Variants in CHIA observed in about 807,000 individuals in gnomAD.
CHIA encodes the protein chitinase acidic, also known as acidic mammalian chitinase.
A neutral mutation model predicts 53.5 loss-of-function variants in CHIA; 47 were observed. The ratio of observed to expected loss-of-function variants is 0.88; its 90% confidence interval spans 0.70 to 1.12. The LOEUF is 1.12. Among genes scored for constraint, CHIA ranks in the 50% most tolerant of loss-of-function variants. The pLI, the probability that CHIA is intolerant of heterozygous loss-of-function variation, is 0.00. For missense variants in CHIA, 652 were observed against 592.2 expected (o/e 1.10, Z -1.05); for synonymous variants, 268 against 222.2 (o/e 1.21, Z -1.83).
intron 1 of CHIA, among the ~76,000 whole-genome samples, chr1:111,293,545 A>G (rs1661154513): frequency 6.6e-6 from 1 of 151,956 alleles, no homozygotes; most frequent in Non-Finnish European, 1.5e-5. Context: ...TTGCACTTTT[A>G]CTCTGTTTGC....
In CHIA at chr1:111,319,124, G is replaced by A; in HGVS notation, c.920G>A (p.Cys307Tyr). ...ESGIWAYYEI[C>Y]TFLKNGATQG... ...GAATCTCTTGACTTTTGAAAGATCTGTACCTTCCTGAAAAATGGAGCCACT... is the reference window on the plus strand; with the variant it reads ...GAATCTCTTGACTTTTGAAAGATCTATACCTTCCTGAAAAATGGAGCCACT... Residue 307 changes from cysteine (C) to tyrosine (Y), a missense_variant, in exon 10 of 12, where the codon TGT becomes TAT. Transcript: ENST00000369740. The A allele has an allele frequency of 1.9e-5, 30 of 1,614,006 alleles. No homozygotes were observed. The highest frequency in any genetic ancestry group is 2.5e-5 in the Non-Finnish European group (30 of 1,179,960).
chr1:111,300,064 G>T (rs538081665), intron 1 of CHIA, among the ~76,000 whole-genome samples: 35 of 152,208 alleles, frequency 2.3e-4, no homozygotes, highest in Non-Finnish European at 4.4e-5. Context: ...ACAAAGCACT[G>T]CTCAATGAAA....
chr1:111,297,924 AAC>A lies in CHIA; in HGVS notation c.-69+6976_-69+6977del, dbSNP rs1300833878. ...AGCAAAAAAAAAAAAAAAAAAAAAAAACAAGCAGGGGTTGTAATCCTAGTCTC... is the reference window on the plus strand; with the variant it reads ...AGCAAAAAAAAAAAAAAAAAAAAAAAAAGCAGGGGTTGTAATCCTAGTCTC... On this transcript the variant is annotated intron_variant, in intron 1 of 11. Transcript: ENST00000369740. Among the ~76,000 whole-genome samples the A allele has an allele frequency of 1.1e-3, 98 of 87,990 alleles. 2 individuals are homozygous for A. Among genetic ancestry groups the A allele is most frequent in the African/African-American group, 2.2e-3 (63 of 28,036 alleles). 57.7% of individuals were successfully genotyped at this position (87,990 alleles called of 152,430 possible).
chr1:111,305,423 A>G (rs1390457294), intron 1 of CHIA, among the ~76,000 whole-genome samples: 1 of 152,186 alleles, frequency 6.6e-6, no homozygotes, highest in Non-Finnish European at 1.5e-5. Flanking sequence ...CAGTGATAAG[A>G]GCACAGATCT....
intron 1 of CHIA, among the ~76,000 whole-genome samples, chr1:111,295,212 A>G (rs897502135): frequency 3.9e-5 from 6 of 152,050 alleles, no homozygotes; most frequent in African/African-American, 1.4e-4. Context: ...ACAGGATCTC[A>G]CTCTGTCACC....
At chr1:111,298,062 C>T (rs1020780821) in intron 1 of CHIA, among the ~76,000 whole-genome samples, 3 of 152,122 alleles carry the variant, frequency 2.0e-5, no homozygotes, top group African/African-American at 4.8e-5. Flanking sequence ...AATATATATG[C>T]ACCCAATACA....
At chr1:111,299,268 T>C (rs1647496836) in intron 1 of CHIA, among the ~76,000 whole-genome samples, 1 of 152,158 alleles carries the variant, frequency 6.6e-6, no homozygotes, top group African/African-American at 2.4e-5. Context: ...TACCAAAGCC[T>C]GGCAGACACA....
intron 1 of CHIA, among the ~76,000 whole-genome samples, chr1:111,302,435 T>C (rs1369239570): frequency 6.6e-6 from 1 of 152,134 alleles, no homozygotes; most frequent in Non-Finnish European, 1.5e-5. Flanking sequence ...ATCCCATAAG[T>C]TTTGCTATGT....
In CHIA at chr1:111,320,287, A is replaced by T. The variant is rs1273577494; in HGVS notation, c.1252A>T (p.Ser418Cys). ...TGGCAGCGGGAACGGGAGCGGGAGT[A>T]GCAGCTCTGGAGGCAGCTCGGGAGG... is the stretch of plus-strand genomic sequence containing the variant. ...PSGSGNGSGS[S>C]SSGGSSGGSG... The change falls in exon 12 of 12, where the codon AGC (serine) becomes TGC (cysteine). Residue 418 changes from serine to cysteine, a missense_variant. Transcript: ENST00000369740. 1 of 1,614,238 alleles carries T rather than the reference A, an allele frequency of 6.2e-7. No homozygotes were observed. Among genetic ancestry groups the T allele is most frequent in the Non-Finnish European group, 8.5e-7 (1 of 1,180,034 alleles).
At chr1:111,309,563 C>T (rs1648495991) in intron 1 of CHIA, among the ~76,000 whole-genome samples, 3 of 152,296 alleles carry the variant, frequency 2.0e-5, no homozygotes, top group African/African-American at 7.2e-5. Flanking sequence ...GCAGGCAAGA[C>T]ATTACAGGCA....
Position 111,320,200 on chromosome 1 carries a change from CT to C in CHIA, c.1178-12del. The C allele has an allele frequency of 6.2e-7, 1 of 1,610,800 alleles. No homozygotes were observed. The highest frequency in any genetic ancestry group is 2.2e-5 in the East Asian group (1 of 44,836). On this transcript the variant is annotated splice_polypyrimidine_tract_variant and intron_variant, in intron 11 of 11. Coordinates refer to ENST00000369740, the MANE Select transcript of CHIA (RefSeq NM_201653.4). ...CAAGCCCACTAGTCTGCTCTTACTG[CT>C]GTATGTTTCAGGTTGCACGGCTCCA... is the stretch of plus-strand genomic sequence containing the variant.
intron 1 of CHIA, among the ~76,000 whole-genome samples, chr1:111,301,144 A>G (rs1447249066): frequency 2.0e-5 from 3 of 152,224 alleles, no homozygotes; most frequent in Non-Finnish European, 4.4e-5. Context: ...AGTGTAAATT[A>G]GTTCAACCAT....
chr1:111,318,993 A>G (rs1649413549), intron 9 of CHIA, 127 bp from the exon 10 acceptor site: 7 of 1,329,422 alleles, frequency 5.3e-6, no homozygotes, highest in South Asian at 3.2e-5. Flanking sequence ...CTTTACTACA[A>G]ATAAAAACCT....
intron 1 of CHIA, among the ~76,000 whole-genome samples, chr1:111,297,376 C>G (rs187900432): frequency 4.8e-4 from 73 of 152,288 alleles, no homozygotes; most frequent in Non-Finnish European, 9.3e-4. Flanking sequence ...CAGCGGATCT[C>G]TCTGCAGAAA....
chr1:111,301,439 C>G (rs995772495), intron 1 of CHIA, among the ~76,000 whole-genome samples: 14 of 151,962 alleles, frequency 9.2e-5, no homozygotes, highest in African/African-American at 3.4e-4. Flanking sequence ...GTGGCTCACA[C>G]CTGTAATCAC....
intron 4 of CHIA, among the ~76,000 whole-genome samples, chr1:111,313,810 T>C (rs1369518949): frequency 6.6e-6 from 1 of 152,228 alleles, no homozygotes; most frequent in Non-Finnish European, 1.5e-5. Flanking sequence ...CTGAGTTGAC[T>C]TTGTTCAGTT....
At chr1:111,312,096 G>C in intron 3 of CHIA, 94 bp from the exon 4 acceptor site, 1 of 926,478 alleles carries the variant, frequency 1.1e-6, no homozygotes, top group Admixed American at 1.7e-5. Context: ...GGCATCTGAG[G>C]CACAGGGAGG....
At chr1:111,315,637 A>G in intron 6 of CHIA, 1 of 601,368 alleles carries the variant, frequency 1.7e-6, no homozygotes. Context: ...TGTGCCAGGC[A>G]CTGCTCTACA....
chr1:111,319,437 C>A lies in CHIA; in HGVS notation c.1146C>A (p.Thr382=). 6.2e-7 allele frequency: 1 copy of A among 1,614,056 alleles called. No individual in the cohort carries two copies. The highest frequency in any genetic ancestry group is 8.5e-7 in the Non-Finnish European group (1 of 1,179,984). Reference sequence around the variant, plus strand: ...AGGGCAAGTTTCCCCTAATCTCCACCCTGAAGAAGGCCCTCGGCCTGCAGA... The same window carrying A: ...AGGGCAAGTTTCCCCTAATCTCCACACTGAAGAAGGCCCTCGGCCTGCAGA... The part of the protein sequence containing the change: ...CNQGKFPLIS[T]LKKALGLQSA... The change falls in exon 11 of 12, where the codon ACC becomes ACA. Residue 382 remains threonine, a synonymous_variant. Transcript: ENST00000369740.
Sources: allele counts gnomAD v4.1 joint callset (sites outside exome capture counted in the v4.1 genomes callset), GRCh38; gene constraint gnomAD v4.1.1; transcripts MANE v1.5; gene names NCBI Gene and HGNC (gene_info 2026-07-23, HGNC 2026-07-21).